RBFOX3: variants seen among roughly 807,000 people sequenced by gnomAD.
RBFOX3 encodes RNA binding protein fox-1 homolog 3.
Under a neutral mutation model 48.7 loss-of-function variants are expected in RBFOX3, and 17 were observed. That is an observed-to-expected ratio of 0.35 (90% CI 0.24 to 0.52). The LOEUF is 0.52. Among genes scored for constraint, RBFOX3 ranks in the 20% least tolerant of loss-of-function variants. The pLI is 0.94. For missense variants in RBFOX3, 382 were observed against 497.5 expected (o/e 0.77, Z 2.21); for synonymous variants, 212 against 209.5 (o/e 1.01, Z -0.10).
chr17:79,532,429 AG>A (rs1599061821), intron 1 of RBFOX3, among the ~76,000 whole-genome samples: 1 of 152,218 alleles, frequency 6.6e-6, no homozygotes, highest in African/African-American at 2.4e-5. Flanking sequence ...GGTTGCATGC[AG>A]GGAGGCTCAG....
chr17:79,315,891 C>T (rs1398286024), intron 2 of RBFOX3, among the ~76,000 whole-genome samples: 1 of 152,010 alleles, frequency 6.6e-6, no homozygotes, highest in East Asian at 1.9e-4. Context: ...CCGAGCTAAC[C>T]CTGGAGGAAA....
At chr17:79,665,445 G>A in the RBFOX3 span, among the ~76,000 whole-genome samples, 2 of 152,296 alleles carry the variant, frequency 1.3e-5, 1 homozygote, top group South Asian at 4.1e-4. Context: ...GAGGGGCCTG[G>A]AAACCGACGC....
chr17:79,182,459 C>T (rs1280252417), intron 4 of RBFOX3, among the ~76,000 whole-genome samples: 1 of 152,134 alleles, frequency 6.6e-6, no homozygotes, highest in East Asian at 1.9e-4. Flanking sequence ...CGAGGGAGTC[C>T]CCCTCTGTCC....
At chr17:79,309,727 T>C (rs886994311) in intron 2 of RBFOX3, among the ~76,000 whole-genome samples, 2 of 152,108 alleles carry the variant, frequency 1.3e-5, no homozygotes, top group African/African-American at 4.8e-5. Context: ...TGGCGGCAGT[T>C]TCCCCCATGC....
chr17:79,178,329 G>A (rs2051073836), intron 4 of RBFOX3, among the ~76,000 whole-genome samples: 1 of 152,224 alleles, frequency 6.6e-6, no homozygotes, highest in Non-Finnish European at 1.5e-5. Flanking sequence ...AAGACTTGCA[G>A]GAAAAGCCAA....
chr17:79,160,426 C>T (rs1027355196), intron 4 of RBFOX3, among the ~76,000 whole-genome samples: 24 of 152,220 alleles, frequency 1.6e-4, no homozygotes, highest in African/African-American at 5.5e-4. Context: ...GATGGGGTCT[C>T]AATTATCCTG....
chr17:79,242,564 G>A lies in RBFOX3; in HGVS notation c.-73-6759C>T, dbSNP rs1261706080. 6.6e-6 allele frequency among the ~76,000 whole-genome samples: 1 copy of A among 151,948 alleles called. No individual in the cohort carries two copies. Among genetic ancestry groups the A allele is most frequent in the Non-Finnish European group, 1.5e-5 (1 of 67,976 alleles). On this transcript the variant is annotated intron_variant, in intron 3 of 14. Transcript: ENST00000693108. This position sits in a 1 kb window ranked among gnomAD's most constrained non-coding sequence, Gnocchi z 5.8. ...AAAGGAGGGGAGAGAAGAGGAGAGGGGAGGGAAGGGGAAGGGAGCATAGGG... is the reference window on the plus strand; with the variant it reads ...AAAGGAGGGGAGAGAAGAGGAGAGGAGAGGGAAGGGGAAGGGAGCATAGGG...
chr17:79,389,497 T>C (rs1364500357), intron 2 of RBFOX3, among the ~76,000 whole-genome samples: 3 of 152,172 alleles, frequency 2.0e-5, no homozygotes, highest in Admixed American at 6.5e-5. Flanking sequence ...GCAGGGGAAT[T>C]GACAAATGCT....
rs913797311 is a variant in RBFOX3 at position 79,220,617 on chromosome 17, C to G, written c.-34+15149G>C. Among the ~76,000 whole-genome samples the G allele has an allele frequency of 3.4e-5, 5 of 146,478 alleles. No individual in the cohort carries two copies. Among genetic ancestry groups the G allele is most frequent in the Admixed American group, 2.7e-4 (4 of 14,822 alleles). On this transcript the variant is annotated intron_variant, in intron 4 of 14. Transcript: ENST00000693108. This position sits in a 1 kb window ranked among gnomAD's most constrained non-coding sequence, Gnocchi z 5.9. Reference sequence around the variant, plus strand: ...GGGGAGGGTGTGTGTGTGTGTGTGTCGGGGGGACACAAAACCTTCCAGCCT... The same window carrying G: ...GGGGAGGGTGTGTGTGTGTGTGTGTGGGGGGGACACAAAACCTTCCAGCCT...
chr17:79,243,300 G>A lies in RBFOX3; in HGVS notation c.-73-7495C>T, dbSNP rs1263772333. 6.6e-6 allele frequency among the ~76,000 whole-genome samples: 1 copy of A among 152,120 alleles called. No individual in the cohort carries two copies. Among genetic ancestry groups the A allele is most frequent in the Non-Finnish European group, 1.5e-5 (1 of 68,018 alleles). On this transcript the variant is annotated intron_variant, in intron 3 of 14. Coordinates refer to ENST00000693108, the MANE Select transcript of RBFOX3 (RefSeq NM_001350451.2). The surrounding 1 kb of genome is among the most constrained non-coding windows in gnomAD (Gnocchi z 7.9). ...CCTGGAGTGTCAGAGTGAGCAGGGG[G>A]CAAACCAACGTGGCCCCAGGAGAAA...
intron 3 of RBFOX3, among the ~76,000 whole-genome samples, chr17:79,284,885 G>C (rs907150510): frequency 2.6e-5 from 4 of 152,152 alleles, no homozygotes; most frequent in African/African-American, 9.7e-5. Flanking sequence ...GGGTCATGAA[G>C]GGGCTGGAGA....
intron 4 of RBFOX3, among the ~76,000 whole-genome samples, chr17:79,119,021 G>T (rs887394719): frequency 4.7e-5 from 7 of 149,150 alleles, no homozygotes; most frequent in African/African-American, 1.7e-4. Context: ...AAAAGAAAGC[G>T]CAGCTCCTGT....
chr17:79,323,663 G>A (rs1463002063), intron 2 of RBFOX3, among the ~76,000 whole-genome samples: 2 of 152,162 alleles, frequency 1.3e-5, no homozygotes, highest in South Asian at 2.1e-4. Context: ...TGTCCTGTTT[G>A]ATGCTGCCAG....
chr17:79,372,052 C>T (rs995752543), intron 2 of RBFOX3, among the ~76,000 whole-genome samples: 12 of 152,110 alleles, frequency 7.9e-5, no homozygotes, highest in African/African-American at 2.9e-4. Context: ...CTCGCAGACG[C>T]TTCATTTGGG....
At chr17:79,142,137 GA>G in intron 4 of RBFOX3, among the ~76,000 whole-genome samples, 1 of 152,172 alleles carries the variant, frequency 6.6e-6, no homozygotes, top group Non-Finnish European at 1.5e-5. Flanking sequence ...GAGCCACACC[GA>G]AAACACAACC....
At chr17:79,130,650 T>G (rs1382533580) in intron 4 of RBFOX3, among the ~76,000 whole-genome samples, 1 of 152,236 alleles carries the variant, frequency 6.6e-6, no homozygotes, top group Non-Finnish European at 1.5e-5. Context: ...CAGACCTCCC[T>G]GCAAACTCCA....
chr17:79,263,170 C>A (rs527866900), intron 3 of RBFOX3, among the ~76,000 whole-genome samples: 1 of 152,186 alleles, frequency 6.6e-6, no homozygotes, highest in Admixed American at 6.5e-5. Flanking sequence ...GGTACCCCCC[C>A]GGCTGTGCTG....
At chr17:79,555,556 ATGG>A (rs2143877216) in intron 1 of RBFOX3, among the ~76,000 whole-genome samples, 1 of 81,314 alleles carries the variant, frequency 1.2e-5, no homozygotes, top group East Asian at 3.7e-4. Flanking sequence ...GGTGGTGATG[ATGG>A]TAGTTGTGGT....
At chr17:79,510,494 C>T (rs2083966253) in intron 1 of RBFOX3, among the ~76,000 whole-genome samples, 1 of 152,212 alleles carries the variant, frequency 6.6e-6, no homozygotes. Context: ...TTCGGGGCCA[C>T]AGGGAGAGGG....
Sources: gnomAD v4.1 joint callset for allele counts (sites outside exome capture counted in the v4.1 genomes callset) on GRCh38, gnomAD v4.1.1 for gene constraint, Gnocchi (gnomAD v3.1) non-coding constraint, MANE v1.5 for transcripts, NCBI Gene and HGNC (gene_info 2026-07-23, HGNC 2026-07-21) for gene names.